NEDD4: variants seen among roughly 807,000 people sequenced by gnomAD.
NEDD4 encodes NEDD4 E3 ubiquitin protein ligase, also known as E3 ubiquitin-protein ligase NEDD4.
In NEDD4, 99 loss-of-function variants were observed where a neutral mutation model predicts 144.9. That is an observed-to-expected ratio of 0.68 (90% CI 0.58 to 0.81). The LOEUF (loss-of-function observed/expected upper bound fraction) is 0.81. NEDD4 is among the 30% of genes least tolerant of loss of function. The probability of loss-of-function intolerance (pLI) is 0.00; values close to 1 mark genes in which losing one functional copy is unlikely to be tolerated. For synonymous variants in NEDD4, 318 were observed against 350.6 expected (o/e 0.91, Z 1.04); for missense variants, 985 against 1,065.9 (o/e 0.92, Z 1.06).
chr15:55,973,193 T>C (rs1274712126), intron 1 of NEDD4, among the ~76,000 whole-genome samples: 1 of 152,248 alleles, frequency 6.6e-6, no homozygotes, highest in Non-Finnish European at 1.5e-5. Flanking sequence ...ATTCTTCTCC[T>C]GGCATATGGA....
At chr15:55,849,008 A>G (rs1252622951) in intron 14 of NEDD4, 122 bp from the exon 15 acceptor site, 4 of 742,858 alleles carry the variant, frequency 5.4e-6, no homozygotes, top group East Asian at 2.6e-5. Context: ...AAGTCAATTT[A>G]TACTTTATTT....
intron 27 of NEDD4, among the ~76,000 whole-genome samples, chr15:55,832,257 G>T (rs1019245049): frequency 6.6e-6 from 1 of 151,054 alleles, no homozygotes; most frequent in Non-Finnish European, 1.5e-5. Flanking sequence ...TAACAGTAAA[G>T]GTTCTACAGA....
At chr15:55,838,477 T>C in intron 22 of NEDD4, 32 bp downstream of exon 22, 1 of 1,398,092 alleles carries the variant, frequency 7.2e-7, no homozygotes. Context: ...TCACAATTTA[T>C]GTGCCATTTT....
intron 4 of NEDD4, among the ~76,000 whole-genome samples, chr15:55,934,320 G>A (rs1229397462): frequency 6.6e-6 from 1 of 152,092 alleles, no homozygotes; most frequent in Non-Finnish European, 1.5e-5. Flanking sequence ...ATTGATGAAT[G>A]ATATTTCATT....
chr15:55,868,595 C>T (rs1224090511), intron 8 of NEDD4, among the ~76,000 whole-genome samples: 1 of 152,090 alleles, frequency 6.6e-6, no homozygotes, highest in African/African-American at 2.4e-5. Context: ...ATAAGCTGTG[C>T]CTTTGCTCCT....
At chr15:55,883,311 AG>A (rs1427115791) in intron 5 of NEDD4, among the ~76,000 whole-genome samples, 1 of 152,144 alleles carries the variant, frequency 6.6e-6, no homozygotes, top group African/African-American at 2.4e-5. Flanking sequence ...TGGAAAGAGA[AG>A]GGAAGAGTGG....
At chr15:55,877,245 CTA>C (rs551611355) in intron 5 of NEDD4, among the ~76,000 whole-genome samples, 35 of 152,276 alleles carry the variant, frequency 2.3e-4, no homozygotes, top group African/African-American at 8.2e-4. Context: ...GTAGTCCTGT[CTA>C]TTTAATTTCT....
At chr15:55,973,333 G>A (rs879824840) in intron 1 of NEDD4, among the ~76,000 whole-genome samples, 5 of 152,130 alleles carry the variant, frequency 3.3e-5, no homozygotes, top group Non-Finnish European at 5.9e-5. Flanking sequence ...GGGCCCAGGA[G>A]TTTGAAACCA....
intron 18 of NEDD4, among the ~76,000 whole-genome samples, chr15:55,842,763 G>A (rs191989093): frequency 7.2e-5 from 11 of 152,300 alleles, no homozygotes; most frequent in Admixed American, 4.6e-4. Context: ...AATGAACACC[G>A]TTCTGTGACC....
intron 5 of NEDD4, among the ~76,000 whole-genome samples, chr15:55,906,460 T>C (rs1488792919): frequency 1.3e-5 from 2 of 152,124 alleles, no homozygotes; most frequent in Admixed American, 6.5e-5. Context: ...CCATAAAAAA[T>C]GATGAGTTCA....
intron 18 of NEDD4, among the ~76,000 whole-genome samples, chr15:55,842,440 G>A (rs1457253463): frequency 2.0e-5 from 3 of 152,214 alleles, no homozygotes; most frequent in Non-Finnish European, 4.4e-5. Flanking sequence ...AGGCTGGAGT[G>A]CAGTGGCGTG....
At chr15:55,861,174 G>A (rs1385452821) in intron 9 of NEDD4, among the ~76,000 whole-genome samples, 1 of 152,086 alleles carries the variant, frequency 6.6e-6, no homozygotes, top group Non-Finnish European at 1.5e-5. Flanking sequence ...ATACATCTTT[G>A]TGAATCAGAT....
chr15:55,847,322 T>C (rs2033790013), intron 17 of NEDD4, among the ~76,000 whole-genome samples: 1 of 152,176 alleles, frequency 6.6e-6, no homozygotes, highest in African/African-American at 2.4e-5. Flanking sequence ...TAGAGAAATA[T>C]TAGAAACAAA....
chr15:55,968,199 A>G (rs2037549145), intron 1 of NEDD4, among the ~76,000 whole-genome samples: 1 of 152,152 alleles, frequency 6.6e-6, no homozygotes, highest in Non-Finnish European at 1.5e-5. Context: ...AGAGAGGAGT[A>G]AAAATGAGTA....
Position 55,872,431 on chromosome 15 carries a change from C to G in NEDD4, c.388G>C (p.Val130Leu). ...LERPYTFKDF[V>L]LHPRSHKSRV... Reference sequence around the variant, plus strand: ...TTTACTGACCTTCTTGGATGAAGAACAAAATCCTTAAATGTATATGGTCTC... The same window carrying G: ...TTTACTGACCTTCTTGGATGAAGAAGAAAATCCTTAAATGTATATGGTCTC... Residue 130 changes from valine (V) to leucine (L), a missense_variant, in exon 7 of 29, where the codon GTT becomes CTT. Physicochemically the swap from Val to Leu is conservative, Grantham distance 32. Transcript: ENST00000435532. The G allele has an allele frequency of 6.8e-7, 1 of 1,468,162 alleles. No homozygotes were observed. Among genetic ancestry groups the G allele is most frequent in the African/African-American group, 1.4e-5 (1 of 69,964 alleles). 90.9% of individuals were successfully genotyped at this position (1,468,162 alleles called of 1,614,324 possible). A position where few individuals can be genotyped will look rare whatever the true frequency, so the allele number is the denominator to read the frequency against.
At chr15:55,954,697 T>C (rs1250214231) in intron 2 of NEDD4, among the ~76,000 whole-genome samples, 2 of 152,082 alleles carry the variant, frequency 1.3e-5, no homozygotes, top group African/African-American at 2.4e-5. Context: ...GCTAATTTTG[T>C]ATTTTTAGTA....
rs555895329 is a variant in NEDD4, at chr15:55,920,110, C to A, written c.291+4536G>T. ...CTGCCTCAAGACTACAATGTAGAAT[C>A]CCTGCCTAAGTTCTCAGCTTCCTGG... On this transcript the variant is annotated intron_variant, in intron 5 of 28. Coordinates refer to ENST00000435532, the MANE Select transcript of NEDD4 (RefSeq NM_006154.4). Among the ~76,000 whole-genome samples the A allele has an allele frequency of 2.0e-5, 3 of 152,182 alleles. No homozygotes were observed. In the South Asian group the frequency reaches 6.2e-4, roughly 32 times the overall value.
At chr15:55,882,935 A>T (rs1355153342) in intron 5 of NEDD4, among the ~76,000 whole-genome samples, 1 of 152,192 alleles carries the variant, frequency 6.6e-6, no homozygotes, top group East Asian at 1.9e-4. Flanking sequence ...ACTCTGAGAC[A>T]TACAGGTTTC....
chr15:55,913,870 T>C (rs897389498), intron 5 of NEDD4, among the ~76,000 whole-genome samples: 3 of 152,010 alleles, frequency 2.0e-5, no homozygotes, highest in African/African-American at 7.2e-5. Context: ...TTTCATTAAG[T>C]GTAAAATAAA....
Sources: allele counts gnomAD v4.1 joint callset (sites outside exome capture counted in the v4.1 genomes callset), GRCh38; gene constraint gnomAD v4.1.1; transcripts MANE v1.5; gene names NCBI Gene and HGNC (gene_info 2026-07-23, HGNC 2026-07-21).